CSMD2: variants seen among roughly 807,000 people sequenced by gnomAD.
CSMD2 encodes CUB and sushi domain-containing protein 2.
A neutral mutation model predicts 398.5 loss-of-function variants in CSMD2; 130 were observed. The ratio of observed to expected loss-of-function variants is 0.33; its 90% confidence interval spans 0.28 to 0.38. The LOEUF (loss-of-function observed/expected upper bound fraction) is 0.38. CSMD2 is among the 10% of genes least tolerant of loss of function. CSMD2 has a pLI of 1.00. For synonymous variants in CSMD2, 1,828 were observed against 1,908.5 expected (o/e 0.96, Z 1.10); for missense variants, 3,829 against 4,764.9 (o/e 0.80, Z 5.78).
At chr1:33,883,864 G>C (rs1412638065) in intron 5 of CSMD2, among the ~76,000 whole-genome samples, 3 of 152,204 alleles carry the variant, frequency 2.0e-5, no homozygotes, top group Non-Finnish European at 4.4e-5. Flanking sequence ...ATGAAGACCA[G>C]GGCTCTTCAA....
intron 56 of CSMD2, among the ~76,000 whole-genome samples, chr1:33,548,810 T>C (rs538965209): frequency 6.8e-6 from 1 of 146,188 alleles, no homozygotes; most frequent in Non-Finnish European, 1.5e-5. Context: ...GGAGAGGCAA[T>C]GTACATGACC....
At chr1:34,061,375 C>A (rs1654486705) in intron 2 of CSMD2, among the ~76,000 whole-genome samples, 1 of 152,094 alleles carries the variant, frequency 6.6e-6, no homozygotes. Flanking sequence ...TTGGATTGGC[C>A]CCGTTTCGCA....
At chr1:33,630,480 G>C (rs1486906683) in intron 32 of CSMD2, among the ~76,000 whole-genome samples, 1 of 152,170 alleles carries the variant, frequency 6.6e-6, no homozygotes, top group Non-Finnish European at 1.5e-5. Flanking sequence ...TTACAGAGGA[G>C]AAAACTGAAG....
chr1:33,691,206 G>GA (rs1340336461), intron 25 of CSMD2, among the ~76,000 whole-genome samples: 1 of 152,176 alleles, frequency 6.6e-6, no homozygotes, highest in African/African-American at 2.4e-5. Context: ...TAAGGTTGGG[G>GA]AGGGAGGCTG....
intron 5 of CSMD2, among the ~76,000 whole-genome samples, chr1:33,857,183 C>A (rs1639159630): frequency 6.6e-6 from 1 of 152,092 alleles, no homozygotes; most frequent in Non-Finnish European, 1.5e-5. Flanking sequence ...AGGATAATAA[C>A]AGCACCCACT....
At chr1:33,998,910 G>A (rs503487) in intron 3 of CSMD2, among the ~76,000 whole-genome samples, 26,426 of 152,060 alleles carry the variant, frequency 0.17, 4,184 homozygotes, top group East Asian at 0.4. Flanking sequence ...GATGCCCCCA[G>A]AGAGTTGATC....
At chr1:34,146,111 T>A (rs1488449929) in intron 1 of CSMD2, among the ~76,000 whole-genome samples, 2 of 152,172 alleles carry the variant, frequency 1.3e-5, no homozygotes, top group Admixed American at 1.3e-4. Context: ...TGGAGTGCGA[T>A]GGCATGATCA....
intron 13 of CSMD2, among the ~76,000 whole-genome samples, chr1:33,747,342 A>C (rs1288056345): frequency 6.6e-6 from 1 of 152,264 alleles, no homozygotes; most frequent in Admixed American, 6.5e-5. Flanking sequence ...AGAATATTCC[A>C]GATTCTACTG....
At chr1:33,843,110 T>C (rs1210155243) in intron 6 of CSMD2, among the ~76,000 whole-genome samples, 2 of 152,230 alleles carry the variant, frequency 1.3e-5, no homozygotes, top group Non-Finnish European at 2.9e-5. Context: ...ACAGAAGTTA[T>C]AGATTTATGT....
At chr1:33,968,292 G>GT (rs1435831224) in intron 3 of CSMD2, among the ~76,000 whole-genome samples, 1 of 152,196 alleles carries the variant, frequency 6.6e-6, no homozygotes, top group Non-Finnish European at 1.5e-5. Context: ...CATCTTTAGA[G>GT]TTTTTTACAA....
chr1:33,643,454 T>C (rs1344763122), intron 29 of CSMD2, among the ~76,000 whole-genome samples: 2 of 152,226 alleles, frequency 1.3e-5, no homozygotes, highest in African/African-American at 2.4e-5. Context: ...ACCAGTGACG[T>C]AGGAAAAAGG....
chr1:33,577,260 A>C (rs1212933461), intron 49 of CSMD2, 36 bp downstream of exon 49: 1 of 1,561,298 alleles, frequency 6.4e-7, no homozygotes, highest in Admixed American at 1.8e-5. Context: ...GTTGGATCCG[A>C]GCTACCTTGT....
intron 1 of CSMD2, among the ~76,000 whole-genome samples, chr1:34,142,012 G>A (rs1571248956): frequency 6.6e-6 from 1 of 152,104 alleles, no homozygotes; most frequent in Non-Finnish European, 1.5e-5. Context: ...CACGTTGCAC[G>A]GTGACTGCTC....
intron 25 of CSMD2, among the ~76,000 whole-genome samples, chr1:33,673,874 A>G (rs1644604071): frequency 6.6e-6 from 1 of 152,238 alleles, no homozygotes; most frequent in Admixed American, 6.5e-5. Context: ...TTCATAAGTG[A>G]AGGAGAAATG....
At chr1:33,842,894 T>C (rs1046922368) in intron 6 of CSMD2, among the ~76,000 whole-genome samples, 3 of 152,214 alleles carry the variant, frequency 2.0e-5, no homozygotes, top group Non-Finnish European at 4.4e-5. Flanking sequence ...TGTGGTTCAT[T>C]AGATGTGGTA....
chr1:33,971,772 T>G (rs762573091), intron 3 of CSMD2, among the ~76,000 whole-genome samples: 3 of 152,148 alleles, frequency 2.0e-5, no homozygotes, highest in Non-Finnish European at 4.4e-5. Context: ...GAACCCAAAT[T>G]CTACCTGACT....
chr1:33,808,727 A>G (rs1231019132), intron 10 of CSMD2, among the ~76,000 whole-genome samples: 3 of 151,940 alleles, frequency 2.0e-5, no homozygotes, highest in Non-Finnish European at 4.4e-5. Flanking sequence ...GAAGAAAGTA[A>G]TAAAGATGAG....
At chr1:34,088,037 A>G (rs1342989277) in intron 2 of CSMD2, among the ~76,000 whole-genome samples, 2 of 152,172 alleles carry the variant, frequency 1.3e-5, no homozygotes, top group African/African-American at 2.4e-5. Flanking sequence ...GAGGGGAAAG[A>G]GAAGAGGGCT....
At chr1:33,769,739 C>T (rs1420640882) in intron 13 of CSMD2, among the ~76,000 whole-genome samples, 1 of 152,080 alleles carries the variant, frequency 6.6e-6, no homozygotes, top group African/African-American at 2.4e-5. Flanking sequence ...ATACTTTGCA[C>T]CTCTTCAGAC....
Sources: gnomAD v4.1 joint callset for allele counts (sites outside exome capture counted in the v4.1 genomes callset) on GRCh38, gnomAD v4.1.1 for gene constraint, MANE v1.5 for transcripts, NCBI Gene and HGNC (gene_info 2026-07-23, HGNC 2026-07-21) for gene names.